RALGPS1: variants seen among roughly 807,000 people sequenced by gnomAD.
RALGPS1 encodes ras-specific guanine nucleotide-releasing factor RalGPS1.
A neutral mutation model predicts 78.8 loss-of-function variants in RALGPS1; 19 were observed. The observed-to-expected ratio is 0.24, with a 90% CI of 0.17 to 0.35. The LOEUF (loss-of-function observed/expected upper bound fraction) is 0.35. RALGPS1 is among the 10% of genes least tolerant of loss of function. The pLI is 1.00. For missense variants in RALGPS1, 454 were observed against 688.3 expected, an observed-to-expected ratio of 0.66 and a Z score of 3.81; for synonymous variants, 228 against 256.3, an observed-to-expected ratio of 0.89 and a Z score of 1.06.
chr9:126,970,103 A>G lies in RALGPS1; in HGVS notation c.165+4152A>G, dbSNP rs1003597233. Among the ~76,000 whole-genome samples the G allele has an allele frequency of 7.9e-5, 12 of 152,298 alleles. 1 individual carries two copies. In the South Asian group the frequency reaches 2.5e-3, roughly 32 times the overall value. On this transcript the variant is annotated intron_variant, in intron 3 of 18. Coordinates refer to ENST00000259351, the MANE Select transcript of RALGPS1 (RefSeq NM_014636.3). ...CTGGGAAGATGGTGGCGGCAGTAGC[A>G]TATTTTTAAATTCTCTCTTAATCCG...
chr9:127,027,843 A>G (rs2046088184), intron 4 of RALGPS1, among the ~76,000 whole-genome samples: 1 of 152,184 alleles, frequency 6.6e-6, no homozygotes, highest in African/African-American at 2.4e-5. Flanking sequence ...AGCACTTACT[A>G]GCCATGTGAC....
intron 8 of RALGPS1, among the ~76,000 whole-genome samples, chr9:127,073,045 G>T (rs888200987): frequency 6.6e-6 from 1 of 152,126 alleles, no homozygotes; most frequent in Non-Finnish European, 1.5e-5. Flanking sequence ...GTATTTGGGG[G>T]TATCCAGCAC....
intron 5 of RALGPS1, 123 bp downstream of exon 5, chr9:127,034,637 T>A: frequency 1.1e-5 from 9 of 791,344 alleles, no homozygotes; most frequent in Non-Finnish European, 1.8e-5. Context: ...CAGCTTCTCA[T>A]ATGAGTCCCC....
At position 127,166,176 on chromosome 9, in the gene RALGPS1, A is replaced by G. The variant is rs1461376136; in HGVS notation, c.718A>G (p.Ile240Val). The G allele has an allele frequency of 3.1e-6, 5 of 1,613,600 alleles. No individual in the cohort carries two copies. Among genetic ancestry groups the G allele is most frequent in the African/African-American group, 1.3e-5 (1 of 74,918 alleles). Reference sequence around the variant, plus strand: ...TCAGATGAACAATATTCTTCGAATAATTGCTGATTTACAAGTTTCCTGCAG... The same window carrying G: ...TCAGATGAACAATATTCTTCGAATAGTTGCTGATTTACAAGTTTCCTGCAG... Reference protein sequence around the residue: ...SNQMNNILRIIADLQVSCSYD... With the variant: ...SNQMNNILRIVADLQVSCSYD... Residue 240 changes from isoleucine (I) to valine (V), a missense_variant, in exon 9 of 19, where the codon ATT becomes GTT. Transcript: ENST00000259351.
At chr9:127,069,688 C>T in intron 8 of RALGPS1, 1 of 185,986 alleles carries the variant, frequency 5.4e-6, no homozygotes, top group Non-Finnish European at 1.1e-5. Flanking sequence ...ATGTCAGGCA[C>T]AAACCCTCTG....
intron 8 of RALGPS1, among the ~76,000 whole-genome samples, chr9:127,157,413 G>A (rs1028986074): frequency 6.6e-6 from 1 of 152,016 alleles, no homozygotes; most frequent in South Asian, 2.1e-4. Flanking sequence ...GTAGATAAAA[G>A]GTTTGTATTC....
intron 14 of RALGPS1, among the ~76,000 whole-genome samples, chr9:127,203,870 T>C (rs2061783238): frequency 6.6e-6 from 1 of 152,188 alleles, no homozygotes; most frequent in South Asian, 2.1e-4. Context: ...GAAGAGGCTG[T>C]GGCCTGTGAA....
chr9:126,946,023 A>T (rs887570946), intron 1 of RALGPS1, among the ~76,000 whole-genome samples: 2 of 152,170 alleles, frequency 1.3e-5, no homozygotes, highest in African/African-American at 4.8e-5. Context: ...TAAACCATAG[A>T]GGGACGGGGC....
rs889190895 is a variant in RALGPS1, at chr9:127,205,655, C to A, written c.1248-6476C>A. Among the ~76,000 whole-genome samples the A allele has an allele frequency of 6.6e-6, 1 of 152,244 alleles. No individual in the cohort carries two copies. The highest frequency in any genetic ancestry group is 2.4e-5 in the African/African-American group (1 of 41,474). The stretch of plus-strand genomic sequence containing the variant: ...ACGCTCCTTCCATCTTGTGTCCATC[C>A]TTCTCTGTGCATATCTGCTTTACCC... On this transcript the variant is annotated intron_variant, in intron 14 of 18. Transcript: ENST00000259351. This position sits in a 1 kb window ranked among gnomAD's most constrained non-coding sequence, Gnocchi z 4.0.
chr9:127,145,002 A>T (rs1276718465), intron 8 of RALGPS1, among the ~76,000 whole-genome samples: 1 of 152,238 alleles, frequency 6.6e-6, no homozygotes, highest in Non-Finnish European at 1.5e-5. Context: ...CCACAATAAA[A>T]AATAATAATA....
intron 7 of RALGPS1, among the ~76,000 whole-genome samples, chr9:127,057,926 A>G (rs2048879182): frequency 6.6e-6 from 1 of 152,274 alleles, no homozygotes; most frequent in South Asian, 2.1e-4. Flanking sequence ...AAAGCGATGC[A>G]GAATACATGA....
chr9:126,977,832 C>G (rs2040820929), intron 4 of RALGPS1, 87 bp downstream of exon 4: 2 of 918,366 alleles, frequency 2.2e-6, no homozygotes, highest in South Asian at 1.6e-5. Context: ...GTCTCAGTTT[C>G]TCTCTTGCAG....
chr9:127,122,112 A>G lies in RALGPS1; in HGVS notation c.611-43957A>G, dbSNP rs889508927. Among the ~76,000 whole-genome samples the G allele has an allele frequency of 6.6e-6, 1 of 152,148 alleles. No individual in the cohort carries two copies. Among genetic ancestry groups the G allele is most frequent in the African/African-American group, 2.4e-5 (1 of 41,428 alleles). On this transcript the variant is annotated intron_variant, in intron 8 of 18. Coordinates refer to ENST00000259351, the MANE Select transcript of RALGPS1 (RefSeq NM_014636.3). This position sits in a 1 kb window ranked among gnomAD's most constrained non-coding sequence, Gnocchi z 6.4. The stretch of plus-strand genomic sequence containing the variant: ...GTCCTCGAGATGCCAGCCCATGATC[A>G]TGTGCCCCCAAACACCACCAAATGT...
At chr9:127,113,140 C>T (rs1034193744) in intron 8 of RALGPS1, among the ~76,000 whole-genome samples, 3 of 152,258 alleles carry the variant, frequency 2.0e-5, no homozygotes, top group African/African-American at 7.2e-5. Flanking sequence ...CTGTGCTGGG[C>T]GCCTGACATA....
intron 8 of RALGPS1, among the ~76,000 whole-genome samples, chr9:127,130,165 G>A (rs1196614351): frequency 1.3e-5 from 2 of 152,184 alleles, no homozygotes; most frequent in Non-Finnish European, 2.9e-5. Flanking sequence ...CCCCTTATTA[G>A]CCCTGTAACT....
At chr9:127,059,587 C>T (rs1160039074) in intron 7 of RALGPS1, among the ~76,000 whole-genome samples, 2 of 152,092 alleles carry the variant, frequency 1.3e-5, no homozygotes, top group East Asian at 1.9e-4. Flanking sequence ...CTCCACCTTC[C>T]CTGATCCATT....
chr9:127,119,020 C>A (rs1342614979), intron 8 of RALGPS1, among the ~76,000 whole-genome samples: 2 of 152,146 alleles, frequency 1.3e-5, no homozygotes, highest in African/African-American at 4.8e-5. Flanking sequence ...TCAATAGTAT[C>A]TTAGTCACAT....
intron 7 of RALGPS1, among the ~76,000 whole-genome samples, chr9:127,059,043 C>T (rs1348189370): frequency 6.6e-6 from 1 of 152,186 alleles, no homozygotes; most frequent in Non-Finnish European, 1.5e-5. Flanking sequence ...GGGACACAGT[C>T]ATTGAGCTCT....
intron 1 of RALGPS1, among the ~76,000 whole-genome samples, chr9:126,933,927 G>T (rs1208796782): frequency 6.6e-6 from 1 of 152,130 alleles, no homozygotes; most frequent in Non-Finnish European, 1.5e-5. Flanking sequence ...GTCCCTTCTC[G>T]CTGGGTGGTG....
Sources: gnomAD v4.1 joint callset for allele counts (sites outside exome capture counted in the v4.1 genomes callset) on GRCh38, gnomAD v4.1.1 for gene constraint, Gnocchi (gnomAD v3.1) non-coding constraint, MANE v1.5 for transcripts, NCBI Gene and HGNC (gene_info 2026-07-23, HGNC 2026-07-21) for gene names.